CHST11: variants seen among roughly 807,000 people sequenced by gnomAD.
CHST11 encodes the protein C4S-1.
CHST11 carries 9 observed loss-of-function variants against 30.4 expected under a neutral mutation model. That is an observed-to-expected ratio of 0.30 (90% CI 0.18 to 0.52). CHST11 has a LOEUF of 0.52. CHST11 is among the 20% of genes least tolerant of loss of function. The probability of loss-of-function intolerance (pLI) is 0.97; values close to 1 mark genes in which losing one functional copy is unlikely to be tolerated. For synonymous variants in CHST11, 152 were observed against 187.8 expected, an observed-to-expected ratio of 0.81 and a Z score of 1.56; for missense variants, 348 against 460.6, an observed-to-expected ratio of 0.76 and a Z score of 2.24.
chr12:104,670,539 T>C (rs949415633), intron 2 of CHST11, among the ~76,000 whole-genome samples: 2 of 145,926 alleles, frequency 1.4e-5, no homozygotes, highest in African/African-American at 5.3e-5. Context: ...GCACTCACAC[T>C]TACACACACA....
intron 2 of CHST11, among the ~76,000 whole-genome samples, chr12:104,611,862 G>A (rs2039062853): frequency 6.6e-6 from 1 of 152,182 alleles, no homozygotes; most frequent in Non-Finnish European, 1.5e-5. Context: ...GACGTTATGT[G>A]ACTAGTGTGC....
intron 2 of CHST11, among the ~76,000 whole-genome samples, chr12:104,705,950 G>T (rs914731763): frequency 6.6e-6 from 1 of 152,042 alleles, no homozygotes. Context: ...ATTAGGCATG[G>T]TGGAACATGC....
chr12:104,464,611 C>G (rs974876813), intron 1 of CHST11, among the ~76,000 whole-genome samples: 8 of 152,140 alleles, frequency 5.3e-5, no homozygotes, highest in Non-Finnish European at 8.8e-5. Context: ...TCAAGGGATC[C>G]TCCTACATCA....
chr12:104,493,436 A>G (rs897418191), intron 1 of CHST11, among the ~76,000 whole-genome samples: 9 of 152,182 alleles, frequency 5.9e-5, no homozygotes, highest in African/African-American at 2.2e-4. Flanking sequence ...CCCTTAACAG[A>G]GCACCTATGA....
chr12:104,626,962 G>C (rs1173216800), intron 2 of CHST11, among the ~76,000 whole-genome samples: 1 of 152,076 alleles, frequency 6.6e-6, no homozygotes, highest in Non-Finnish European at 1.5e-5. Context: ...TTTTAGAGTA[G>C]TTTCACTGCC....
chr12:104,592,809 A>G (rs1417802441), intron 1 of CHST11, among the ~76,000 whole-genome samples: 1 of 152,200 alleles, frequency 6.6e-6, no homozygotes, highest in African/African-American at 2.4e-5. Context: ...GTACTTGGAC[A>G]GGGATCTTAT....
At chr12:104,735,599 G>A (rs191506565) in intron 2 of CHST11, among the ~76,000 whole-genome samples, 1 of 152,184 alleles carries the variant, frequency 6.6e-6, no homozygotes, top group African/African-American at 2.4e-5. Context: ...AGAAGAGAGT[G>A]AGCAAATCCA....
intron 1 of CHST11, among the ~76,000 whole-genome samples, chr12:104,557,300 C>T (rs2038466819): frequency 6.6e-6 from 1 of 152,158 alleles, no homozygotes; most frequent in Admixed American, 6.5e-5. Flanking sequence ...GAACAGGGCT[C>T]CTTCACCGCT....
Position 104,759,586 on chromosome 12 carries a change from T to G in CHST11, c.*1783T>G, listed in dbSNP as rs1231349664. On this transcript the variant is annotated 3_prime_UTR_variant, in exon 3 of 3. Coordinates refer to ENST00000303694, the MANE Select transcript of CHST11 (RefSeq NM_018413.6). ...AATTGAATAATTTATTCACAGAAACTATTAAGATTGTATTGTAAAGCTCAC... is the reference window on the plus strand; with the variant it reads ...AATTGAATAATTTATTCACAGAAACGATTAAGATTGTATTGTAAAGCTCAC... The G allele has an allele frequency of 6.6e-6, 1 of 152,212 alleles. No individual in the cohort carries two copies. Among genetic ancestry groups the G allele is most frequent in the Non-Finnish European group, 1.5e-5 (1 of 68,040 alleles). The allele number at this position is 152,212 out of a possible 1,614,324, so 9.4% of individuals were successfully genotyped here.
chr12:104,640,189 A>T (rs1272251711), intron 2 of CHST11, among the ~76,000 whole-genome samples: 2 of 152,222 alleles, frequency 1.3e-5, no homozygotes, highest in Non-Finnish European at 2.9e-5. Flanking sequence ...GAAACTAAAC[A>T]TCCTCTTATC....
chr12:104,472,270 C>G (rs2135955036), intron 1 of CHST11, among the ~76,000 whole-genome samples: 1 of 152,126 alleles, frequency 6.6e-6, no homozygotes. Context: ...TTGCGCCCGC[C>G]CCTTCCATTT....
At chr12:104,708,891 G>A (rs538871704) in intron 2 of CHST11, among the ~76,000 whole-genome samples, 1 of 152,320 alleles carries the variant, frequency 6.6e-6, no homozygotes, top group South Asian at 2.1e-4. Flanking sequence ...TGAAAAGTGT[G>A]TCATTTTCAC....
chr12:104,567,697 CAA>C (rs2038581631), intron 1 of CHST11, among the ~76,000 whole-genome samples: 1 of 152,158 alleles, frequency 6.6e-6, no homozygotes, highest in Admixed American at 6.5e-5. Flanking sequence ...GAGCTGTGTG[CAA>C]AGTTTAGAGG....
intron 1 of CHST11, among the ~76,000 whole-genome samples, chr12:104,485,665 C>T (rs1287782198): frequency 6.6e-6 from 1 of 152,226 alleles, no homozygotes; most frequent in African/African-American, 2.4e-5. Flanking sequence ...TCTCTATGTT[C>T]CCTGACATTG....
At chr12:104,495,395 C>T (rs2135970486) in intron 1 of CHST11, among the ~76,000 whole-genome samples, 1 of 152,304 alleles carries the variant, frequency 6.6e-6, no homozygotes, top group Non-Finnish European at 1.5e-5. Context: ...GGGCCCACCA[C>T]ACTCTTTTCC....
chr12:104,583,818 G>GCT (rs2038773226), intron 1 of CHST11, among the ~76,000 whole-genome samples: 1 of 151,650 alleles, frequency 6.6e-6, no homozygotes, highest in Non-Finnish European at 1.5e-5. Flanking sequence ...GTTCAAGCAA[G>GCT]TCTCCTGCCT....
At chr12:104,523,483 T>C (rs2038093297) in intron 1 of CHST11, among the ~76,000 whole-genome samples, 1 of 152,126 alleles carries the variant, frequency 6.6e-6, no homozygotes, top group Non-Finnish European at 1.5e-5. Flanking sequence ...AAGAGAAATA[T>C]ATCAGAGAAA....
chr12:104,506,407 G>A (rs2037904695), intron 1 of CHST11, among the ~76,000 whole-genome samples: 1 of 152,224 alleles, frequency 6.6e-6, no homozygotes, highest in African/African-American at 2.4e-5. Context: ...TAGAGTTGAA[G>A]TGAGGCAGAG....
At chr12:104,574,651 T>C (rs113573463) in intron 1 of CHST11, among the ~76,000 whole-genome samples, 14,569 of 151,678 alleles carry the variant, frequency 0.096, 1,631 homozygotes, top group African/African-American at 0.27. Context: ...TAGGTGGGAA[T>C]TGAACAATGA....
Sources: gnomAD v4.1 joint callset for allele counts (sites outside exome capture counted in the v4.1 genomes callset) on GRCh38, gnomAD v4.1.1 for gene constraint, MANE v1.5 for transcripts, NCBI Gene and HGNC (gene_info 2026-07-23, HGNC 2026-07-21) for gene names.